The following DLGAP2 variants were observed in gnomAD, a reference collection of about 807,000 sequenced individuals.
DLGAP2 encodes the protein DLG associated protein 2, also known as disks large-associated protein 2.
DLGAP2 carries 26 observed loss-of-function variants against 100.3 expected under a neutral mutation model. That is an observed-to-expected ratio of 0.26 (90% CI 0.19 to 0.36). The LOEUF is 0.36. Among genes scored for constraint, DLGAP2 ranks in the 10% least tolerant of loss-of-function variants. The probability of loss-of-function intolerance (pLI) is 1.00; values close to 1 mark genes in which losing one functional copy is unlikely to be tolerated. For missense variants in DLGAP2, 1,858 were observed against 1,453.2 expected (o/e 1.28, Z -4.53); for synonymous variants, 886 against 630.1 (o/e 1.41, Z -6.08).
chr8:1,300,739 A>C (rs1189666038), intron 3 of DLGAP2: 1 of 152,270 alleles, frequency 6.6e-6, no homozygotes, highest in East Asian at 1.9e-4. Flanking sequence ...CTGCACCATG[A>C]ACAGGACGGG....
At chr8:1,498,435 T>C (rs1278414815) in intron 3 of DLGAP2, among the ~76,000 whole-genome samples, 1 of 152,200 alleles carries the variant, frequency 6.6e-6, no homozygotes, top group Non-Finnish European at 1.5e-5. Flanking sequence ...GTTCTTTATC[T>C]GTCACGTGAT....
At chr8:1,305,608 G>A (rs1166043826) in intron 3 of DLGAP2, among the ~76,000 whole-genome samples, 1 of 152,144 alleles carries the variant, frequency 6.6e-6, no homozygotes, top group African/African-American at 2.4e-5. Context: ...TTGAAACACT[G>A]CAGTCCTCCG....
intron 3 of DLGAP2, among the ~76,000 whole-genome samples, chr8:1,325,707 T>C (rs1801006513): frequency 6.6e-6 from 1 of 151,898 alleles, no homozygotes; most frequent in Non-Finnish European, 1.5e-5. Flanking sequence ...TGCTAGAGAG[T>C]TTAAAGCAAC....
At chr8:1,318,574 G>C (rs1436829065) in intron 3 of DLGAP2, among the ~76,000 whole-genome samples, 1 of 151,158 alleles carries the variant, frequency 6.6e-6, no homozygotes, top group African/African-American at 2.4e-5. Flanking sequence ...GTTACCTCCA[G>C]TTTATCACCT....
Position 1,272,190 on chromosome 8 carries a change from TTAG to T in DLGAP2, c.106+13308_106+13310del, listed in dbSNP as rs962619759. On this transcript the variant is annotated intron_variant, in intron 3 of 14. Transcript: ENST00000637795. ...TGATGTAATCACATTTTAAAAGCAATTAGGATACCCTCATTTTAGGTAAAATGT... is the reference window on the plus strand; with the variant it reads ...TGATGTAATCACATTTTAAAAGCAATGATACCCTCATTTTAGGTAAAATGT... 2.1e-4 allele frequency among the ~76,000 whole-genome samples: 32 copies of T among 152,300 alleles called. 1 individual carries two copies. The highest frequency in any genetic ancestry group is 5.9e-4 in the Admixed American group (9 of 15,292).
rs977774133 is a variant in DLGAP2 at position 1,128,591 on chromosome 8, G to C, written c.74-130260G>C. Among the ~76,000 whole-genome samples the C allele has an allele frequency of 3.3e-5, 5 of 152,302 alleles. No individual in the cohort carries two copies. The South Asian group carries it at 6.2e-4, about 19-fold the overall frequency. Reference sequence around the variant, plus strand: ...GGTGTGCGGCAGGCTCAATCGCCGGGTTTGTATAACACATTCTGATGTTCC... The same window carrying C: ...GGTGTGCGGCAGGCTCAATCGCCGGCTTTGTATAACACATTCTGATGTTCC... On this transcript the variant is annotated intron_variant, in intron 2 of 14. Transcript: ENST00000637795.
chr8:1,675,628 C>T (rs1296776257), intron 10 of DLGAP2, among the ~76,000 whole-genome samples: 2 of 152,126 alleles, frequency 1.3e-5, no homozygotes, highest in African/African-American at 4.8e-5. Flanking sequence ...TGCTTTGCAC[C>T]TTTTCCTTGT....
chr8:912,640 T>TGCAGTTGCTGTGTGCTTTCTGCAGG (rs1798508716), intron 2 of DLGAP2, among the ~76,000 whole-genome samples: 1 of 150,896 alleles, frequency 6.6e-6, no homozygotes, highest in African/African-American at 2.4e-5. Flanking sequence ...TCTGTGGAGC[T>TGCAGTTGCTGTGTGCTTTCTGCAGG]GAGCCCCACA....
chr8:1,638,475 C>T (rs904248484), intron 8 of DLGAP2, among the ~76,000 whole-genome samples: 35 of 152,226 alleles, frequency 2.3e-4, no homozygotes, highest in African/African-American at 6.3e-4. Flanking sequence ...TGCTCTGTTA[C>T]GGCAGCACGG....
At chr8:1,412,185 C>G (rs1438275862) in intron 3 of DLGAP2, among the ~76,000 whole-genome samples, 1 of 152,174 alleles carries the variant, frequency 6.6e-6, no homozygotes, top group African/African-American at 2.4e-5. Flanking sequence ...TCCCACTGCC[C>G]TCTGCAGAGC....
At chr8:1,477,604 C>T (rs1483254907) in intron 3 of DLGAP2, among the ~76,000 whole-genome samples, 2 of 152,198 alleles carry the variant, frequency 1.3e-5, no homozygotes, top group Non-Finnish European at 2.9e-5. Context: ...CCTCACAGCT[C>T]ACCTGTCTGT....
At chr8:954,071 A>G (rs560299463) in intron 2 of DLGAP2, among the ~76,000 whole-genome samples, 10 of 152,286 alleles carry the variant, frequency 6.6e-5, no homozygotes, top group African/African-American at 2.4e-4. Flanking sequence ...TCATCATTAT[A>G]ATGAAAGTAG....
At chr8:960,361 G>C (rs34827244) in intron 2 of DLGAP2, among the ~76,000 whole-genome samples, 12 of 150,166 alleles carry the variant, frequency 8.0e-5, no homozygotes, top group African/African-American at 2.9e-4. Flanking sequence ...TCAGCCTCCA[G>C]AGTAGCTGGG....
At chr8:849,026 ATGTG>A (rs1797128808) in intron 1 of DLGAP2, among the ~76,000 whole-genome samples, 1 of 146,322 alleles carries the variant, frequency 6.8e-6, no homozygotes, top group Non-Finnish European at 1.5e-5. Context: ...CAGTATAGGA[ATGTG>A]CGGTGCCTGT....
At chr8:881,500 T>C (rs1418976432) in intron 1 of DLGAP2, among the ~76,000 whole-genome samples, 134 of 51,044 alleles carry the variant, frequency 2.6e-3, no homozygotes, top group Middle Eastern at 0.011. Flanking sequence ...ATCTCTCTTT[T>C]TTTTTTTTTT....
chr8:1,106,978 A>T (rs1231261900), intron 2 of DLGAP2, among the ~76,000 whole-genome samples: 4 of 149,656 alleles, frequency 2.7e-5, no homozygotes, highest in Non-Finnish European at 5.9e-5. Flanking sequence ...GAGTCTTGCC[A>T]GATAAGCAGA....
At chr8:1,668,101 G>C (rs1385520009) in intron 8 of DLGAP2, among the ~76,000 whole-genome samples, 1 of 152,242 alleles carries the variant, frequency 6.6e-6, no homozygotes, top group Non-Finnish European at 1.5e-5. Context: ...ACCTTGCTTA[G>C]CTGTGTCTCT....
intron 6 of DLGAP2, among the ~76,000 whole-genome samples, chr8:1,606,721 T>C (rs1256247804): frequency 6.6e-6 from 1 of 152,202 alleles, no homozygotes; most frequent in Non-Finnish European, 1.5e-5. Flanking sequence ...CTCACTCTGT[T>C]GCCCAGGCTG....
intron 1 of DLGAP2, among the ~76,000 whole-genome samples, chr8:752,106 G>A (rs1315445645): frequency 6.6e-6 from 1 of 152,196 alleles, no homozygotes; most frequent in Non-Finnish European, 1.5e-5. Flanking sequence ...CATCTCACTT[G>A]CCGCTTCGAG....
Sources: gnomAD v4.1 joint callset for allele counts (sites outside exome capture counted in the v4.1 genomes callset) on GRCh38, gnomAD v4.1.1 for gene constraint, MANE v1.5 for transcripts, NCBI Gene and HGNC (gene_info 2026-07-23, HGNC 2026-07-21) for gene names.